PEPD: variants seen among roughly 807,000 people sequenced by gnomAD.
PEPD encodes xaa-Pro dipeptidase.
Under a neutral mutation model 60.7 loss-of-function variants are expected in PEPD, and 53 were observed. That is an observed-to-expected ratio of 0.87 (90% CI 0.70 to 1.10). The LOEUF (loss-of-function observed/expected upper bound fraction) is 1.10. PEPD is among the 50% of genes least tolerant of loss of function. The pLI, the probability that PEPD is intolerant of heterozygous loss-of-function variation, is 0.00. For missense variants in PEPD, 711 were observed against 711.9 expected (o/e 1.00, Z 0.01); for synonymous variants, 267 against 284.1 (o/e 0.94, Z 0.60).
intron 9 of PEPD, among the ~76,000 whole-genome samples, chr19:33,423,095 T>TTATCCATCCATCCATC (rs1555756427): frequency 6.8e-6 from 1 of 147,328 alleles, no homozygotes. Context: ...TACCTACTTA[T>TTATCCATCCATCCATC]CATCCATCCA....
intron 5 of PEPD, among the ~76,000 whole-genome samples, chr19:33,492,015 C>T (rs867809225): frequency 5.3e-4 from 79 of 149,606 alleles, no homozygotes; most frequent in Admixed American, 3.3e-3. Context: ...TGAAGAGAAA[C>T]CTCTACTTTA....
chr19:33,510,606 G>C (rs921997286), intron 3 of PEPD, among the ~76,000 whole-genome samples: 2 of 152,186 alleles, frequency 1.3e-5, no homozygotes, highest in Non-Finnish European at 2.9e-5. Context: ...TACACATGTG[G>C]GGCGGCCATG....
intron 9 of PEPD, among the ~76,000 whole-genome samples, chr19:33,449,039 G>A (rs1009595185): frequency 1.1e-4 from 16 of 152,316 alleles, no homozygotes; most frequent in African/African-American, 2.9e-4. Flanking sequence ...AGACCCTGAC[G>A]GGACAGAGGC....
In PEPD at chr19:33,404,444, A is replaced by G. The variant is rs112655186; in HGVS notation, c.819-2575T>C. ...ACACAAAAGAAAAAGCAGAAACTGA[A>G]CTATCGTTTAAAAAACAACAACAAC... On this transcript the variant is annotated intron_variant, in intron 11 of 14. Coordinates refer to ENST00000244137, the MANE Select transcript of PEPD (RefSeq NM_000285.4). 8.8e-3 allele frequency among the ~76,000 whole-genome samples: 1,172 copies of G among 133,006 alleles called. 16 individuals carry two copies. The highest frequency in any genetic ancestry group is 0.037 in the African/African-American group (1,109 of 29,586). The allele number at this position is 133,006 out of a possible 152,430, so 87.3% of individuals were successfully genotyped here. A position where few individuals can be genotyped will look rare whatever the true frequency, so the allele number is the denominator to read the frequency against.
At chr19:33,413,535 C>T (rs758634293) in intron 10 of PEPD, 40 bp downstream of exon 10, 20 of 1,225,550 alleles carry the variant, frequency 1.6e-5, no homozygotes, top group Non-Finnish European at 2.4e-6. Context: ...CTACCTCCTC[C>T]CACTGGTCAC....
intron 11 of PEPD, 83 bp from the exon 12 acceptor site, chr19:33,401,952 T>TCG: frequency 7.1e-7 from 1 of 1,399,332 alleles, no homozygotes; most frequent in South Asian, 1.2e-5. Context: ...TGCCCTGGAC[T>TCG]CGAGGGCAGC....
chr19:33,518,118 C>G (rs1017807932), intron 1 of PEPD, among the ~76,000 whole-genome samples: 3 of 152,166 alleles, frequency 2.0e-5, no homozygotes, highest in African/African-American at 7.2e-5. Context: ...GGCACCAGAC[C>G]GTAAGCGCCA....
At chr19:33,442,156 T>C (rs1409698357) in intron 9 of PEPD, among the ~76,000 whole-genome samples, 2 of 152,202 alleles carry the variant, frequency 1.3e-5, no homozygotes, top group Admixed American at 6.5e-5. Context: ...CCCAGCACTT[T>C]AGGAGGCCGA....
chr19:33,413,536 C>G (rs1427116159), intron 10 of PEPD, 39 bp downstream of exon 10: 1 of 1,245,658 alleles, frequency 8.0e-7, no homozygotes, highest in African/African-American at 1.5e-5. Flanking sequence ...TACCTCCTCC[C>G]ACTGGTCACC....
intron 7 of PEPD, among the ~76,000 whole-genome samples, chr19:33,474,816 C>CA (rs1163383871): frequency 2.0e-5 from 3 of 151,886 alleles, no homozygotes; most frequent in Non-Finnish European, 2.9e-5. Context: ...CCCATCTCTA[C>CA]AAAAAACAGA....
At chr19:33,494,532 T>C (rs1002737920) in intron 4 of PEPD, among the ~76,000 whole-genome samples, 4 of 152,210 alleles carry the variant, frequency 2.6e-5, no homozygotes, top group Admixed American at 2.6e-4. Flanking sequence ...AAAACAGAGA[T>C]CTGTAATGAC....
chr19:33,491,277 C>G (rs535375456), intron 5 of PEPD, among the ~76,000 whole-genome samples: 1 of 152,042 alleles, frequency 6.6e-6, no homozygotes, highest in South Asian at 2.1e-4. Context: ...TGGCGAAACC[C>G]CGTCTCTAAC....
intron 1 of PEPD, among the ~76,000 whole-genome samples, chr19:33,516,759 C>T (rs1440816387): frequency 6.6e-6 from 1 of 152,134 alleles, no homozygotes; most frequent in African/African-American, 2.4e-5. Context: ...TTCGAATTTA[C>T]ATTTTCTTCA....
At chr19:33,425,144 T>C (rs1033512339) in intron 9 of PEPD, among the ~76,000 whole-genome samples, 1 of 151,834 alleles carries the variant, frequency 6.6e-6, no homozygotes, top group African/African-American at 2.4e-5. Context: ...CCGAGGCGGG[T>C]GGATCACTTG....
At chr19:33,393,345 T>C (rs1968276544) in intron 12 of PEPD, among the ~76,000 whole-genome samples, 4 of 151,606 alleles carry the variant, frequency 2.6e-5, no homozygotes, top group Admixed American at 2.6e-4. Context: ...GGGGCAACTC[T>C]GGCTGCAGCT....
At chr19:33,402,945 A>C (rs1600086751) in intron 11 of PEPD, among the ~76,000 whole-genome samples, 1 of 152,172 alleles carries the variant, frequency 6.6e-6, no homozygotes, top group East Asian at 1.9e-4. Context: ...CAGGGCCCGG[A>C]AGGAGTAGGG....
At chr19:33,485,828 G>A (rs1205659091) in intron 6 of PEPD, among the ~76,000 whole-genome samples, 3 of 152,142 alleles carry the variant, frequency 2.0e-5, no homozygotes, top group Non-Finnish European at 2.9e-5. Context: ...TTACACTGAT[G>A]TAAGAAATGT....
chr19:33,426,225 G>A (rs549593306), intron 9 of PEPD, among the ~76,000 whole-genome samples: 36 of 152,316 alleles, frequency 2.4e-4, no homozygotes, highest in African/African-American at 8.4e-4. Flanking sequence ...CCACCTTGTA[G>A]AGTGAGGACA....
intron 1 of PEPD, among the ~76,000 whole-genome samples, chr19:33,519,853 G>A (rs1971098831): frequency 1.3e-5 from 2 of 152,230 alleles, no homozygotes; most frequent in South Asian, 4.1e-4. Flanking sequence ...ATCACCTGAG[G>A]TCAGGAGTTC....
Sources: gnomAD v4.1 joint callset for allele counts (sites outside exome capture counted in the v4.1 genomes callset) on GRCh38, gnomAD v4.1.1 for gene constraint, MANE v1.5 for transcripts, NCBI Gene and HGNC (gene_info 2026-07-23, HGNC 2026-07-21) for gene names.